ZDHHC11B: variants seen among roughly 807,000 people sequenced by gnomAD.
ZDHHC11B encodes zDHHC palmitoyltransferase 11B (putative).
A neutral mutation model predicts 42.3 loss-of-function variants in ZDHHC11B; 17 were observed. The observed-to-expected ratio is 0.40, with a 90% confidence interval of 0.27 to 0.60. ZDHHC11B has a LOEUF of 0.60. Ranked by LOEUF, ZDHHC11B falls within the 20% of genes least tolerant of loss-of-function variation. The pLI is 0.41. For missense variants in ZDHHC11B, 262 were observed against 463.2 expected (o/e 0.57, Z 3.99); for synonymous variants, 123 against 193.5 (o/e 0.64, Z 3.02).
rs147386975 is a variant in ZDHHC11B at position 720,904 on chromosome 5, G to T, written c.1059-4039C>A. 2.1e-3 allele frequency among the ~76,000 whole-genome samples: 311 copies of T among 151,624 alleles called. 10 individuals carry two copies. Among genetic ancestry groups the T allele is most frequent in the African/African-American group, 7.4e-3 (303 of 41,146 alleles). ...GTGGGAGGATCATGTGAGACCAGGA[G>T]TTCAAGTCCAGCCTGGCAACATACT... On this transcript the variant is annotated intron_variant, in intron 12 of 13. Transcript: ENST00000508859.
chr5:716,998 C>A (rs551801829), intron 12 of ZDHHC11B, 133 bp from the exon 13 acceptor site: 6 of 1,313,074 alleles, frequency 4.6e-6, no homozygotes, highest in South Asian at 1.3e-5. Flanking sequence ...AATCACTTCA[C>A]CTCTCTGAGT....
chr5:730,904 C>T (rs527822906), intron 11 of ZDHHC11B, among the ~76,000 whole-genome samples: 1 of 151,966 alleles, frequency 6.6e-6, no homozygotes, highest in East Asian at 1.9e-4. Flanking sequence ...AGGAGAGAGG[C>T]CTTGGGAGAA....
chr5:777,286 C>G (rs6555479), intron 1 of ZDHHC11B, among the ~76,000 whole-genome samples: 8,099 of 149,478 alleles, frequency 0.054, 247 homozygotes, highest in East Asian at 0.18. Flanking sequence ...CCCGTGGGTT[C>G]CTAGTCTCGC....
At position 743,475 on chromosome 5, in the gene ZDHHC11B, G is replaced by A. The variant is rs1319860137; in HGVS notation, c.900+1708C>T. On this transcript the variant is annotated intron_variant, in intron 9 of 13. Coordinates refer to ENST00000508859, the MANE Select transcript of ZDHHC11B (RefSeq NM_001351303.2). ...AGCCTGCTGGGGTTCAGCAGGGATT[G>A]TGGTAAATCTGTAGATAAGTTTTGG... Among the ~76,000 whole-genome samples, 4 of 148,192 alleles carry A rather than the reference G, an allele frequency of 2.7e-5. No homozygotes were observed. The East Asian group carries it at 8.4e-4, about 31-fold the overall frequency.
chr5:763,306 T>C (rs1199568357), intron 4 of ZDHHC11B, among the ~76,000 whole-genome samples: 1 of 150,346 alleles, frequency 6.7e-6, no homozygotes, highest in African/African-American at 2.4e-5. Context: ...GAGGCAGAGG[T>C]TGCAGTGAGT....
intron 7 of ZDHHC11B, among the ~76,000 whole-genome samples, chr5:749,007 GTGCTGGGGTCACAGTGCCCACCCCT>G (rs1745239768): frequency 2.3e-5 from 1 of 44,146 alleles, no homozygotes; most frequent in African/African-American, 7.2e-5. Context: ...TCCTCACTAA[GTGCTGGGGTCACAGTGCCCACCCCT>G]TCCTCACTAA....
intron 10 of ZDHHC11B, among the ~76,000 whole-genome samples, chr5:738,977 C>G (rs1335817866): frequency 6.6e-6 from 1 of 150,798 alleles, no homozygotes; most frequent in South Asian, 2.1e-4. Flanking sequence ...ACCTTCTGCA[C>G]AGGAAAAGAA....
intron 4 of ZDHHC11B, among the ~76,000 whole-genome samples, chr5:764,776 C>T (rs1735059100): frequency 6.6e-6 from 1 of 151,978 alleles, no homozygotes. Context: ...GGCAGCTCCA[C>T]CTGCCCCCGG....
chr5:766,686 TG>T lies in ZDHHC11B; in HGVS notation c.222+11del, dbSNP rs751227595. The T allele has an allele frequency of 2.5e-6, 4 of 1,600,542 alleles. No homozygotes were observed. The East Asian group carries it at 9.0e-5, about 36-fold the overall frequency. Reference sequence around the variant, plus strand: ...CCCTCCCGCTTAGACCATGCCACGATGAAAAGGATACCACATAGGCGATGTA... The same window carrying T: ...CCCTCCCGCTTAGACCATGCCACGATAAAAGGATACCACATAGGCGATGTA... On this transcript the variant is annotated intron_variant, in intron 4 of 13. Coordinates refer to ENST00000508859, the MANE Select transcript of ZDHHC11B (RefSeq NM_001351303.2).
chr5:763,353 G>C (rs1734860532), intron 4 of ZDHHC11B, among the ~76,000 whole-genome samples: 1 of 146,224 alleles, frequency 6.8e-6, no homozygotes, highest in African/African-American at 2.5e-5. Flanking sequence ...TGGGTGACAA[G>C]AGTGAGACTC....
chr5:751,749 C>T (rs1345851007), intron 6 of ZDHHC11B, among the ~76,000 whole-genome samples: 1 of 126,170 alleles, frequency 7.9e-6, no homozygotes, highest in Non-Finnish European at 1.8e-5. Flanking sequence ...CTGTGACGCC[C>T]CCCCAGGTCT....
intron 1 of ZDHHC11B, among the ~76,000 whole-genome samples, chr5:777,838 C>A (rs1234394607): frequency 6.6e-6 from 1 of 151,988 alleles, no homozygotes; most frequent in African/African-American, 2.4e-5. Context: ...ACTCCTCAGC[C>A]CTTGGGCGGT....
intron 6 of ZDHHC11B, among the ~76,000 whole-genome samples, 153 bp from the exon 7 acceptor site, chr5:751,410 G>GTGTGGGGTGTGCAGGGGCA (rs1491366843): frequency 3.9e-5 from 2 of 51,398 alleles, no homozygotes; most frequent in Non-Finnish European, 1.0e-4. Flanking sequence ...GCAAGGGCAG[G>GTGTGGGGTGTGCAGGGGCA]TGTGGGACAG....
intron 1 of ZDHHC11B, among the ~76,000 whole-genome samples, chr5:780,830 G>A (rs1299402366): frequency 2.0e-5 from 3 of 152,008 alleles, no homozygotes; most frequent in South Asian, 2.1e-4. Flanking sequence ...GTGCCACCCC[G>A]CCGAGGGGCA....
chr5:745,689 G>T lies in ZDHHC11B; in HGVS notation c.785-391C>A, dbSNP rs561569558. ...CTGGGATTGCTGGCAGGGGTAAGAG[G>T]CCAGCTCAGGAGGGGCCGCTCTGTC... On this transcript the variant is annotated intron_variant, in intron 8 of 13. Coordinates refer to ENST00000508859, the MANE Select transcript of ZDHHC11B (RefSeq NM_001351303.2). 8.7e-4 allele frequency among the ~76,000 whole-genome samples: 130 copies of T among 150,198 alleles called. 7 individuals are homozygous for T. The highest frequency in any genetic ancestry group is 3.0e-3 in the African/African-American group (123 of 40,968).
intron 13 of ZDHHC11B, among the ~76,000 whole-genome samples, chr5:712,941 T>TA (rs1714895601): frequency 1.3e-5 from 2 of 149,572 alleles, no homozygotes; most frequent in South Asian, 4.3e-4. Flanking sequence ...TATATATATA[T>TA]ATTCTTTGTT....
chr5:737,681 AAC>A (rs1743694836), intron 10 of ZDHHC11B, among the ~76,000 whole-genome samples: 1 of 149,748 alleles, frequency 6.7e-6, no homozygotes, highest in Non-Finnish European at 1.5e-5. Flanking sequence ...AAATCACAAA[AAC>A]AGAATTAAAA....
At chr5:760,442 T>C (rs1249549602) in intron 4 of ZDHHC11B, among the ~76,000 whole-genome samples, 1 of 151,362 alleles carries the variant, frequency 6.6e-6, no homozygotes, top group Non-Finnish European at 1.5e-5. Flanking sequence ...GCCAGAACCA[T>C]CCCCTCCAGC....
intron 4 of ZDHHC11B, among the ~76,000 whole-genome samples, chr5:761,361 G>C (rs1351069279): frequency 6.6e-6 from 1 of 151,862 alleles, no homozygotes; most frequent in East Asian, 1.9e-4. Context: ...CTGTGGGTCT[G>C]TGGATTTCTG....
Sources: gnomAD v4.1 joint callset for allele counts (sites outside exome capture counted in the v4.1 genomes callset) on GRCh38, gnomAD v4.1.1 for gene constraint, MANE v1.5 for transcripts, NCBI Gene and HGNC (gene_info 2026-07-23, HGNC 2026-07-21) for gene names.